The following LRRC37B variants were observed in gnomAD, a reference collection of about 807,000 sequenced individuals.
The protein encoded by LRRC37B is leucine-rich repeat-containing protein 37B.
LRRC37B carries 28 observed loss-of-function variants against 98.3 expected under a neutral mutation model. That is an observed-to-expected ratio of 0.28 (90% CI 0.21 to 0.39). The LOEUF (loss-of-function observed/expected upper bound fraction) is 0.39, where lower values mean the gene tolerates loss of function less well. Among genes scored for constraint, LRRC37B ranks in the 10% least tolerant of loss-of-function variants. The pLI is 1.00. For missense variants in LRRC37B, 938 were observed against 1,182.7 expected (o/e 0.79, Z 3.03); for synonymous variants, 364 against 442.7 (o/e 0.82, Z 2.23).
chr17:32,022,601 G>A, exon 1 of LRRC37B: 5 of 1,614,022 alleles, frequency 3.1e-6, no homozygotes, highest in Non-Finnish European at 4.2e-6. Flanking sequence ...ATCGAAGCCT[G>A]ACTGAAGTCA....
At chr17:32,023,304 G>T (rs1257653186) in intron 1 of LRRC37B, among the ~76,000 whole-genome samples, 1 of 151,978 alleles carries the variant, frequency 6.6e-6, no homozygotes, top group Non-Finnish European at 1.5e-5. Flanking sequence ...TGTGTTTTTA[G>T]TAGAGACGGG....
intron 7 of LRRC37B, chr17:32,041,282 C>A (rs778858944): frequency 5.3e-6 from 4 of 761,360 alleles, no homozygotes; most frequent in Admixed American, 1.7e-5. Flanking sequence ...CAGCTTCATC[C>A]CCTTTCCGAT....
intron 7 of LRRC37B, chr17:32,040,649 C>A (rs371086125): frequency 5.8e-5 from 45 of 778,628 alleles, no homozygotes; most frequent in Non-Finnish European, 8.6e-5. Flanking sequence ...ACACAGTGTG[C>A]AAGATCCAGG....
chr17:32,034,833 A>G, intron 5 of LRRC37B, 77 bp from the exon 9 acceptor site: 1 of 1,170,420 alleles, frequency 8.5e-7, no homozygotes, highest in African/African-American at 1.5e-5. Flanking sequence ...GTTCCATACC[A>G]AAAAATGAAT....
At chr17:32,021,605 G>T (rs1910788560) in exon 1 of LRRC37B, 1 of 1,614,232 alleles carries the variant, frequency 6.2e-7, no homozygotes, top group African/African-American at 1.3e-5. Context: ...CTCGCCTCAA[G>T]TGGGTTCAAA....
chr17:32,053,207 A>G, intron 11 of LRRC37B, 59 bp from the exon 15 acceptor site: 1 of 1,118,454 alleles, frequency 8.9e-7, no homozygotes, highest in East Asian at 2.4e-5. Context: ...GAATGAATAC[A>G]CATTGGAGAT....
chr17:32,050,003 C>A, exon 11 of LRRC37B: 2 of 1,410,578 alleles, frequency 1.4e-6, no homozygotes, highest in Non-Finnish European at 1.9e-6. Flanking sequence ...TTTTTTTTAG[C>A]TCATGAAAGA....
chr17:32,019,580 A>T (rs1310319876), upstream of LRRC37B, among the ~76,000 whole-genome samples: 5 of 152,224 alleles, frequency 3.3e-5, no homozygotes, highest in East Asian at 1.9e-4. Context: ...ATTTTTTTTT[A>T]AAAAGGGAGC....
intron 7 of LRRC37B, chr17:32,040,862 G>T: frequency 1.2e-6 from 1 of 833,218 alleles, no homozygotes; most frequent in East Asian, 2.4e-5. Flanking sequence ...TCCAGAACCT[G>T]TGTGAGAAAG....
At chr17:32,013,235 G>A (rs1910575995) in intron 1 of LRRC37B, among the ~76,000 whole-genome samples, 1 of 152,036 alleles carries the variant, frequency 6.6e-6, no homozygotes, top group African/African-American at 2.4e-5. Context: ...GAATTCCTGG[G>A]CTCAAGGCAT....
At chr17:32,014,369 A>G (rs1299476479) in intron 1 of LRRC37B, among the ~76,000 whole-genome samples, 1 of 152,232 alleles carries the variant, frequency 6.6e-6, no homozygotes, top group Non-Finnish European at 1.5e-5. Context: ...AAGTACTGAG[A>G]GAAATGTCAA....
intron 7 of LRRC37B, among the ~76,000 whole-genome samples, chr17:32,044,511 C>G (rs569185424): frequency 2.0e-5 from 3 of 152,258 alleles, no homozygotes; most frequent in African/African-American, 7.2e-5. Flanking sequence ...ACGTATCTTT[C>G]CTGCCTCGTG....
chr17:32,031,237 A>G, intron 4 of LRRC37B, 141 bp from the exon 8 acceptor site: 1 of 1,344,124 alleles, frequency 7.4e-7, no homozygotes, highest in South Asian at 1.5e-5. Context: ...ACCATAAGCC[A>G]GTATCTTCCA....
intron 7 of LRRC37B, among the ~76,000 whole-genome samples, chr17:32,045,098 T>G (rs2627088): frequency 0.9 from 135,550 of 150,202 alleles, 61,205 homozygotes; most frequent in East Asian, 1. Context: ...TTATTAGCTA[T>G]CATTATTTCA....
At chr17:32,031,553 C>T in intron 5 of LRRC37B, 95 bp downstream of exon 8, 1 of 1,226,628 alleles carries the variant, frequency 8.2e-7, no homozygotes, top group South Asian at 1.5e-5. Context: ...ATTATGAACT[C>T]TGAAAAGTGT....
At chr17:32,041,601 G>T in intron 7 of LRRC37B, 1 of 472,260 alleles carries the variant, frequency 2.1e-6, no homozygotes. Flanking sequence ...CCTTCCATGG[G>T]CTCCTGCTGC....
At chr17:32,041,387 T>G (rs777181197) in intron 7 of LRRC37B, 2 of 751,098 alleles carry the variant, frequency 2.7e-6, no homozygotes, top group Admixed American at 1.7e-5. Context: ...CTGAGAACCA[T>G]GGGGAGCTGG....
exon 11 of LRRC37B, chr17:32,050,068 A>C (rs2344318): frequency 5.1e-5 from 81 of 1,584,274 alleles, no homozygotes; most frequent in African/African-American, 4.6e-4. Context: ...CTGTGACTGT[A>C]ATACTAATAA....
At chr17:32,012,647 T>C (rs1281930249) in intron 1 of LRRC37B, among the ~76,000 whole-genome samples, 2 of 152,040 alleles carry the variant, frequency 1.3e-5, no homozygotes, top group Admixed American at 6.6e-5. Flanking sequence ...ATCCAGGTGG[T>C]GGATATTGCA....
Sources: allele counts gnomAD v4.1 joint callset (sites outside exome capture counted in the v4.1 genomes callset), GRCh38; gene constraint gnomAD v4.1.1; transcripts MANE v1.5; gene names NCBI Gene and HGNC (gene_info 2026-07-23, HGNC 2026-07-21).